The following TIA1 variants were observed in gnomAD, a reference collection of about 807,000 sequenced individuals.
TIA1 encodes the protein cytotoxic granule associated RNA binding protein TIA1.
In TIA1, 23 loss-of-function variants were observed where a neutral mutation model predicts 65.9. The observed-to-expected ratio is 0.35, with a 90% CI of 0.25 to 0.49. The LOEUF is 0.49. Ranked by LOEUF, TIA1 falls within the 20% of genes least tolerant of loss-of-function variation. The pLI, the probability that TIA1 is intolerant of heterozygous loss-of-function variation, is 0.98. For synonymous variants in TIA1, 147 were observed against 149.4 expected, an observed-to-expected ratio of 0.98 and a Z score of 0.12; for missense variants, 371 against 477.9, an observed-to-expected ratio of 0.78 and a Z score of 2.09.
chr2:70,227,302 T>C (rs1684245029), intron 6 of TIA1, among the ~76,000 whole-genome samples: 2 of 152,172 alleles, frequency 1.3e-5, no homozygotes, highest in Non-Finnish European at 2.9e-5. Flanking sequence ...TAGAAAATAA[T>C]ATTCAATAAC....
chr2:70,217,601 G>A (rs1679231845), intron 7 of TIA1, among the ~76,000 whole-genome samples: 1 of 152,114 alleles, frequency 6.6e-6, no homozygotes, highest in African/African-American at 2.4e-5. Context: ...GTTTCGCCAT[G>A]TTAGCCAGGA....
At chr2:70,235,576 G>GTA (rs1688540574) in intron 2 of TIA1, among the ~76,000 whole-genome samples, 2 of 149,296 alleles carry the variant, frequency 1.3e-5, no homozygotes, top group South Asian at 4.2e-4. Context: ...GTGTGTATGT[G>GTA]TGTGTGTTTA....
chr2:70,224,651 A>G, intron 6 of TIA1, 22 bp from the exon 7 acceptor site: 1 of 1,612,384 alleles, frequency 6.2e-7, no homozygotes, highest in South Asian at 1.1e-5. Context: ...AACAATCAGA[A>G]GTTTAGGTTT....
rs775798661 is a variant in TIA1 at position 70,227,820 on chromosome 2, G to A, written c.313C>T (p.His105Tyr). Residue 105 changes from histidine (H) to tyrosine (Y), a missense_variant and splice_region_variant, in exon 6 of 13, where the codon CAT becomes TAT. Coordinates refer to ENST00000433529, the MANE Select transcript of TIA1 (RefSeq NM_022173.4). ...AGATCACCAACAAAGACATGGAAAT[G>A]ATCTTATAAGGGGAAGGAAGGGGAA... ...TVVSTQRSQD[H>Y]FHVFVGDLSP... 13 of 1,595,846 alleles carry A rather than the reference G, an allele frequency of 8.1e-6. No homozygotes were observed. The highest frequency in any genetic ancestry group is 2.2e-5 in the East Asian group (1 of 44,466).
At chr2:70,227,222 G>A (rs557426260) in intron 6 of TIA1, among the ~76,000 whole-genome samples, 1 of 152,206 alleles carries the variant, frequency 6.6e-6, no homozygotes, top group African/African-American at 2.4e-5. Flanking sequence ...GTGCAAGCAA[G>A]GCAGTGCTTC....
intron 2 of TIA1, among the ~76,000 whole-genome samples, chr2:70,235,340 G>A (rs1329151454): frequency 1.3e-5 from 2 of 152,044 alleles, no homozygotes; most frequent in African/African-American, 2.4e-5. Context: ...GCTTGAACCC[G>A]GGAGGCGGAG....
chr2:70,230,528 T>C (rs1468932377), intron 3 of TIA1, among the ~76,000 whole-genome samples: 1 of 151,894 alleles, frequency 6.6e-6, no homozygotes, highest in Non-Finnish European at 1.5e-5. Context: ...GGTGCGTTCC[T>C]GTAATCCCAG....
chr2:70,216,219 A>G lies in TIA1; in HGVS notation c.753T>C (p.Tyr251=). Residue 251 remains tyrosine (Y), a synonymous_variant, in exon 10 of 13, where the codon TAT becomes TAC. Coordinates refer to ENST00000433529, the MANE Select transcript of TIA1 (RefSeq NM_022173.4). The part of the protein sequence containing the change: ...MEIRVFPDKG[Y]SFVRFNSHES... The stretch of plus-strand genomic sequence containing the variant: ...AAAACCATCCCTACCGAACAAATGA[A>G]TATCCTTTATCTGGAAAGACTCGAA... 2 of 1,585,202 alleles carry G rather than the reference A, an allele frequency of 1.3e-6. No individual in the cohort carries two copies. The highest frequency in any genetic ancestry group is 1.7e-6 in the Non-Finnish European group (2 of 1,171,698).
chr2:70,214,215 T>G (rs776902260), intron 12 of TIA1, 134 bp downstream of exon 12: 2 of 979,502 alleles, frequency 2.0e-6, no homozygotes, highest in Non-Finnish European at 2.8e-6. Flanking sequence ...AAAACAATTT[T>G]AAGTTCTTTC....
chr2:70,236,618 C>T (rs963656088), intron 1 of TIA1, among the ~76,000 whole-genome samples: 1 of 151,970 alleles, frequency 6.6e-6, no homozygotes, highest in Non-Finnish European at 1.5e-5. Context: ...CCACACCCAG[C>T]TCAATTTACC....
At chr2:70,227,057 T>C (rs1168487938) in intron 6 of TIA1, among the ~76,000 whole-genome samples, 2 of 152,162 alleles carry the variant, frequency 1.3e-5, no homozygotes, top group Non-Finnish European at 2.9e-5. Flanking sequence ...GAAGAAGTTT[T>C]CTAAGCTAAT....
intron 6 of TIA1, among the ~76,000 whole-genome samples, chr2:70,226,282 G>T (rs1253525412): frequency 6.6e-6 from 1 of 152,060 alleles, no homozygotes; most frequent in Non-Finnish European, 1.5e-5. Context: ...GCTAAAATCT[G>T]AAGGTCACTT....
Position 70,215,458 on chromosome 2 carries a change from A to C in TIA1, c.801T>G (p.Val267=). Residue 267 remains valine, a synonymous_variant, in exon 11 of 13, where the codon GTT becomes GTG. Transcript: ENST00000433529. ...NSHESAAHAI[V]SVNGTTIEGH... ...CTTCAATGGTAGTACCATTAACAGA[A>C]ACAATTGCATGTGCTGCACTTTCAT... 1 of 1,613,838 alleles carries C rather than the reference A, an allele frequency of 6.2e-7. No individual in the cohort carries two copies.
rs965321568 is a variant in TIA1 at position 70,214,495 on chromosome 2, C to T, written c.889-1G>A. 1 of 1,606,362 alleles carries T rather than the reference C, an allele frequency of 6.2e-7. No homozygotes were observed. The highest frequency in any genetic ancestry group is 1.3e-5 in the African/African-American group (1 of 74,572). On this transcript the variant is annotated splice_acceptor_variant, in intron 11 of 12. Coordinates refer to ENST00000433529, the MANE Select transcript of TIA1 (RefSeq NM_022173.4). LOFTEE classifies it high-confidence loss of function. ...GTTGGGGATATCCAATTTGATTCTG[C>T]TATTAAATAAAATTTAGTATTACTT...
chr2:70,214,562 C>A, intron 11 of TIA1, 68 bp from the exon 12 acceptor site: 6 of 1,132,864 alleles, frequency 5.3e-6, no homozygotes, highest in Admixed American at 3.8e-5. Context: ...GCTGATACCA[C>A]AAATTCTTAG....
At chr2:70,216,170 T>C (rs1678556819) in intron 10 of TIA1, 38 bp downstream of exon 10, 1 of 1,437,292 alleles carries the variant, frequency 7.0e-7, no homozygotes, top group Non-Finnish European at 9.4e-7. Context: ...TCCAGTTACA[T>C]TACCAAGAAA....
intron 1 of TIA1, 136 bp downstream of exon 1, chr2:70,248,269 A>G: frequency 2.1e-6 from 2 of 966,050 alleles, no homozygotes; most frequent in Admixed American, 2.8e-5. Flanking sequence ...GTAAGCATCC[A>G]GGTGCATGCT....
At chr2:70,232,654 A>G (rs533175312) in intron 2 of TIA1, among the ~76,000 whole-genome samples, 64 of 150,192 alleles carry the variant, frequency 4.3e-4, no homozygotes, top group African/African-American at 1.4e-3. Context: ...GGATCACCTG[A>G]GGTCAGGAGT....
intron 1 of TIA1, among the ~76,000 whole-genome samples, chr2:70,240,467 G>A (rs1355776383): frequency 6.6e-6 from 1 of 152,182 alleles, no homozygotes; most frequent in Non-Finnish European, 1.5e-5. Context: ...GCACAAGCCC[G>A]CAGCCCCAGC....
Sources: gnomAD v4.1 joint callset for allele counts (sites outside exome capture counted in the v4.1 genomes callset) on GRCh38, gnomAD v4.1.1 for gene constraint, MANE v1.5 for transcripts, NCBI Gene and HGNC (gene_info 2026-07-23, HGNC 2026-07-21) for gene names.